Variants in ANKHD1 observed in about 807,000 individuals in gnomAD.
ANKHD1 encodes ankyrin repeat and KH domain-containing protein 1.
In ANKHD1, 31 loss-of-function variants were observed where a neutral mutation model predicts 230.5. The observed-to-expected ratio is 0.13, with a 90% CI of 0.10 to 0.18. The LOEUF (loss-of-function observed/expected upper bound fraction) is 0.18, where lower values mean the gene tolerates loss of function less well. Among genes scored for constraint, ANKHD1 ranks in the 10% least tolerant of loss-of-function variants. The pLI is 1.00. For missense variants in ANKHD1, 2,256 were observed against 3,071.3 expected (o/e 0.73, Z 6.27); for synonymous variants, 1,074 against 1,117.6 (o/e 0.96, Z 0.78).
At chr5:140,499,472 A>G (rs1752180263) in intron 15 of ANKHD1, among the ~76,000 whole-genome samples, 1 of 152,190 alleles carries the variant, frequency 6.6e-6, no homozygotes. Flanking sequence ...AGTAAATTTT[A>G]CTTTAGAAGA....
intron 11 of ANKHD1, chr5:140,484,897 C>T: frequency 1.8e-6 from 1 of 564,604 alleles, no homozygotes; most frequent in Non-Finnish European, 2.5e-6. Context: ...AAAGGGAGCA[C>T]AAGATGGGGC....
intron 24 of ANKHD1, among the ~76,000 whole-genome samples, chr5:140,519,011 C>A (rs9686884): frequency 0.016 from 2,469 of 152,130 alleles, 75 homozygotes; most frequent in African/African-American, 0.056. Flanking sequence ...TGTTTGCAGA[C>A]GACATGATTG....
chr5:140,428,501 T>G (rs1432668708), intron 1 of ANKHD1, among the ~76,000 whole-genome samples: 3 of 152,166 alleles, frequency 2.0e-5, no homozygotes, highest in African/African-American at 7.2e-5. Flanking sequence ...TCAGGCGTGG[T>G]GGCGCACGCC....
At chr5:140,404,432 GT>G (rs577256829) in intron 1 of ANKHD1, among the ~76,000 whole-genome samples, 2 of 150,210 alleles carry the variant, frequency 1.3e-5, no homozygotes, top group African/African-American at 4.9e-5. Context: ...TTAATTTTTT[GT>G]TTTTTTTGTT....
At chr5:140,469,460 T>C (rs955644437) in intron 10 of ANKHD1, among the ~76,000 whole-genome samples, 2 of 151,930 alleles carry the variant, frequency 1.3e-5, no homozygotes, top group African/African-American at 2.4e-5. Flanking sequence ...TAAGCTGAGA[T>C]TGCATCACTG....
chr5:140,418,662 T>C (rs1771603361), intron 1 of ANKHD1, among the ~76,000 whole-genome samples: 1 of 152,216 alleles, frequency 6.6e-6, no homozygotes, highest in Non-Finnish European at 1.5e-5. Context: ...TATGTGGTTA[T>C]TTGTGCCTGA....
chr5:140,514,371 G>A (rs1395397653), intron 24 of ANKHD1, among the ~76,000 whole-genome samples: 1 of 151,314 alleles, frequency 6.6e-6, no homozygotes, highest in Non-Finnish European at 1.5e-5. Flanking sequence ...GCAGGTGCCT[G>A]TAGTCCCAGC....
chr5:140,539,581 T>TTCTCTTCTGCATACAAGTAGTATTCTG lies in ANKHD1; in HGVS notation c.*164_*165insCTCTTCTGCATACAAGTAGTATTCTGT. The TTCTCTTCTGCATACAAGTAGTATTCTG allele has an allele frequency of 1.3e-6, 1 of 773,014 alleles. No homozygotes were observed. Among genetic ancestry groups the TTCTCTTCTGCATACAAGTAGTATTCTG allele is most frequent in the Non-Finnish European group, 2.0e-6 (1 of 501,802 alleles). 47.9% of individuals were successfully genotyped at this position (773,014 alleles called of 1,614,324 possible). On this transcript the variant is annotated 3_prime_UTR_variant, in exon 34 of 34. Transcript: ENST00000360839. ...ACAAATTGATTTCCTATCCACCTGATTATGTTCTCTGGTTAGTTTAGCCAT... is the reference window on the plus strand; with the variant it reads ...ACAAATTGATTTCCTATCCACCTGATTCTCTTCTGCATACAAGTAGTATTCTGTATGTTCTCTGGTTAGTTTAGCCAT...
intron 7 of ANKHD1, among the ~76,000 whole-genome samples, chr5:140,451,797 T>C (rs1774758365): frequency 6.6e-6 from 1 of 152,192 alleles, no homozygotes; most frequent in African/African-American, 2.4e-5. Flanking sequence ...TGTGAGCCAC[T>C]GTGCCCAGCC....
rs1158940308 is a variant in ANKHD1, at chr5:140,485,417, C to CACACACACACACAT, written c.1999-162_1999-161insACATACACACACAC. Among the ~76,000 whole-genome samples the CACACACACACACAT allele has an allele frequency of 4.1e-5, 6 of 147,582 alleles. No homozygotes were observed. The highest frequency in any genetic ancestry group is 6.9e-5 in the Admixed American group (1 of 14,502). Reference sequence around the variant, plus strand: ...ATTAAAACACACACACACACACACACACACACACACGTATGTATGTGTATA... The same window carrying CACACACACACACAT: ...ATTAAAACACACACACACACACACACACACACACACACATACACACACACGTATGTATGTGTATA... On this transcript the variant is annotated intron_variant, in intron 12 of 33. Transcript: ENST00000360839. The surrounding 1 kb of genome is among the most constrained non-coding windows in gnomAD (Gnocchi z 4.8).
chr5:140,506,367 C>A lies in ANKHD1; in HGVS notation c.3409-468C>A, dbSNP rs973603704. On this transcript the variant is annotated intron_variant, in intron 18 of 33. Transcript: ENST00000360839. This position sits in a 1 kb window ranked among gnomAD's most constrained non-coding sequence, Gnocchi z 4.7. ...GTGGAGATGAGGTCTCATTATGTTGCCCAAGCTGGCCTTGAACTCCTGGCC... is the reference window on the plus strand; with the variant it reads ...GTGGAGATGAGGTCTCATTATGTTGACCAAGCTGGCCTTGAACTCCTGGCC... Among the ~76,000 whole-genome samples the A allele has an allele frequency of 5.3e-5, 8 of 152,058 alleles. No individual in the cohort carries two copies. The highest frequency in any genetic ancestry group is 1.7e-4 in the African/African-American group (7 of 41,478).
chr5:140,538,812 C>A lies in ANKHD1; in HGVS notation c.7405-107C>A. On this transcript the variant is annotated intron_variant, in intron 32 of 33. Transcript: ENST00000360839. ...TGTACTTATAGGATCTTTTGGAGTTCTTTAAATGAGGAATATTAGAGAAGT... is the reference window on the plus strand; with the variant it reads ...TGTACTTATAGGATCTTTTGGAGTTATTTAAATGAGGAATATTAGAGAAGT... The A allele has an allele frequency of 7.3e-6, 9 of 1,240,580 alleles. No individual in the cohort carries two copies. In the South Asian group the frequency reaches 2.8e-4, roughly 38 times the overall value. 76.8% of individuals were successfully genotyped at this position (1,240,580 alleles called of 1,614,324 possible). A position where few individuals can be genotyped will look rare whatever the true frequency, so the allele number is the denominator to read the frequency against.
chr5:140,412,450 G>A (rs183747061), intron 1 of ANKHD1, among the ~76,000 whole-genome samples: 19 of 152,232 alleles, frequency 1.2e-4, no homozygotes, highest in African/African-American at 3.6e-4. Flanking sequence ...GAGCTACCAC[G>A]CCTGGCCGGA....
chr5:140,496,471 TTTTTTTTTTTTA>T, intron 14 of ANKHD1, 37 bp from the exon 15 acceptor site: 1 of 1,071,428 alleles, frequency 9.3e-7, no homozygotes, highest in South Asian at 4.3e-5. Flanking sequence ...CTTTTTTTTT[TTTTTTTTTTTTA>T]GCATGGCACT....
intron 4 of ANKHD1, among the ~76,000 whole-genome samples, 161 bp downstream of exon 4, chr5:140,440,427 A>C (rs1265761348): frequency 1.3e-5 from 2 of 152,134 alleles, no homozygotes; most frequent in Non-Finnish European, 2.9e-5. Context: ...CAGATAACAC[A>C]GTTTATTTTG....
At chr5:140,450,416 C>G (rs969162404) in intron 7 of ANKHD1, among the ~76,000 whole-genome samples, 3 of 151,844 alleles carry the variant, frequency 2.0e-5, no homozygotes, top group African/African-American at 7.3e-5. Context: ...GCATCAGCCT[C>G]CCAAGTAGGT....
intron 10 of ANKHD1, among the ~76,000 whole-genome samples, chr5:140,473,132 G>T (rs562620905): frequency 6.6e-6 from 1 of 151,188 alleles, no homozygotes; most frequent in African/African-American, 2.4e-5. Flanking sequence ...GGGTTCAAGC[G>T]ATTATCCTGC....
Position 140,504,812 on chromosome 5 carries a change from G to C in ANKHD1, c.3005-9G>C. 4 of 1,606,444 alleles carry C rather than the reference G, an allele frequency of 2.5e-6. No homozygotes were observed. Among genetic ancestry groups the C allele is most frequent in the Non-Finnish European group, 3.4e-6 (4 of 1,177,990 alleles). On this transcript the variant is annotated splice_polypyrimidine_tract_variant and intron_variant, in intron 15 of 33. Coordinates refer to ENST00000360839, the MANE Select transcript of ANKHD1 (RefSeq NM_017747.3). ...AGTGGAATTTAGCAATATGAATATT[G>C]TTTTTCAGCTGTGAGTACCAGAGTG... is the stretch of plus-strand genomic sequence containing the variant.
Position 140,476,101 on chromosome 5 carries a change from A to G in ANKHD1, c.1783-6479A>G, listed in dbSNP as rs779073670. Among the ~76,000 whole-genome samples, 103 of 152,174 alleles carry G rather than the reference A, an allele frequency of 6.8e-4. 1 individual carries two copies. The highest frequency in any genetic ancestry group is 5.9e-4 in the Non-Finnish European group (40 of 68,008). The stretch of plus-strand genomic sequence containing the variant: ...CTAAAAGTTTTGGGGGGTAACCTCA[A>G]TATATAGGGTAAGACAGCATATTAG... On this transcript the variant is annotated intron_variant, in intron 10 of 33. Coordinates refer to ENST00000360839, the MANE Select transcript of ANKHD1 (RefSeq NM_017747.3).
Sources: gnomAD v4.1 joint callset for allele counts (sites outside exome capture counted in the v4.1 genomes callset) on GRCh38, gnomAD v4.1.1 for gene constraint, Gnocchi (gnomAD v3.1) non-coding constraint, MANE v1.5 for transcripts, NCBI Gene and HGNC (gene_info 2026-07-23, HGNC 2026-07-21) for gene names.